The following ST6GAL2 variants were observed in gnomAD, a reference collection of about 807,000 sequenced individuals.
ST6GAL2 encodes ST6 beta-galactoside alpha-2,6-sialyltransferase 2, also known as beta-galactoside alpha-2,6-sialyltransferase 2.
Under a neutral mutation model 37.5 loss-of-function variants are expected in ST6GAL2, and 24 were observed. The observed-to-expected ratio is 0.64, with a 90% CI of 0.46 to 0.90. The LOEUF (loss-of-function observed/expected upper bound fraction) is 0.90. Among genes scored for constraint, ST6GAL2 ranks in the 40% least tolerant of loss-of-function variants. The pLI is 0.00. For synonymous variants in ST6GAL2, 306 were observed against 295.1 expected, an observed-to-expected ratio of 1.04 and a Z score of -0.38; for missense variants, 715 against 712.7, an observed-to-expected ratio of 1.00 and a Z score of -0.04.
chr2:106,819,928 T>C (rs1573216019), intron 5 of ST6GAL2, among the ~76,000 whole-genome samples: 1 of 152,164 alleles, frequency 6.6e-6, no homozygotes, highest in South Asian at 2.1e-4. Context: ...GAAGATATTA[T>C]TTGCCAACCT....
intron 1 of ST6GAL2, among the ~76,000 whole-genome samples, chr2:106,871,209 A>G (rs908617698): frequency 3.3e-5 from 5 of 152,164 alleles, no homozygotes; most frequent in Non-Finnish European, 7.3e-5. Context: ...CAGTAAAAAT[A>G]TGGTATAAAA....
chr2:106,885,410 G>A (rs920108203), intron 1 of ST6GAL2, among the ~76,000 whole-genome samples: 7 of 152,130 alleles, frequency 4.6e-5, no homozygotes, highest in African/African-American at 1.7e-4. Flanking sequence ...TATGGTACTA[G>A]GAGGAGAGAC....
intron 5 of ST6GAL2, among the ~76,000 whole-genome samples, chr2:106,807,631 C>CTT (rs10665727): frequency 0.02 from 2,776 of 138,916 alleles, 127 homozygotes; most frequent in East Asian, 0.08. Context: ...ACATTTTATT[C>CTT]TTTTTTTTTT....
chr2:106,828,995 A>G (rs7603219), intron 5 of ST6GAL2, among the ~76,000 whole-genome samples: 129,035 of 152,150 alleles, frequency 0.85, 54,900 homozygotes, highest in East Asian at 0.94. Context: ...GAAAGATGGC[A>G]TACTCTTCGG....
chr2:106,830,463 G>A (rs530200968), intron 4 of ST6GAL2, among the ~76,000 whole-genome samples: 1 of 152,328 alleles, frequency 6.6e-6, no homozygotes, highest in Non-Finnish European at 1.5e-5. Context: ...TTGTGCTTAA[G>A]TAAAATGAGG....
intron 5 of ST6GAL2, among the ~76,000 whole-genome samples, chr2:106,809,543 G>C (rs1244459505): frequency 6.6e-6 from 1 of 152,202 alleles, no homozygotes; most frequent in Non-Finnish European, 1.5e-5. Context: ...TATGTTAGCT[G>C]TGCAGTTGGT....
chr2:106,876,908 T>C (rs542513995), intron 1 of ST6GAL2, among the ~76,000 whole-genome samples: 1 of 151,998 alleles, frequency 6.6e-6, no homozygotes, highest in South Asian at 2.1e-4. Flanking sequence ...AAGCAGCACA[T>C]TGGTGAGAAA....
chr2:106,829,695 T>C lies in ST6GAL2; in HGVS notation c.1318+371A>G, dbSNP rs988052271. Among the ~76,000 whole-genome samples, 4 of 152,096 alleles carry C rather than the reference T, an allele frequency of 2.6e-5. No individual in the cohort carries two copies. The South Asian group carries it at 6.2e-4, about 24-fold the overall frequency. Reference sequence around the variant, plus strand: ...GTCTGTTACACGAGTGTTTTTTTTTTCCTTAGTTAACCTACCTTCCCTCCA... The same window carrying C: ...GTCTGTTACACGAGTGTTTTTTTTTCCCTTAGTTAACCTACCTTCCCTCCA... On this transcript the variant is annotated intron_variant, in intron 5 of 5. Coordinates refer to ENST00000409382, the MANE Select transcript of ST6GAL2 (RefSeq NM_001142351.2).
At chr2:106,855,187 T>C (rs1677525795) in intron 1 of ST6GAL2, among the ~76,000 whole-genome samples, 1 of 152,228 alleles carries the variant, frequency 6.6e-6, no homozygotes, top group Admixed American at 6.5e-5. Flanking sequence ...AACGAAAGGA[T>C]ACTATAGATT....
chr2:106,849,137 C>T (rs866438641), intron 1 of ST6GAL2, among the ~76,000 whole-genome samples: 4 of 152,130 alleles, frequency 2.6e-5, no homozygotes, highest in Non-Finnish European at 2.9e-5. Flanking sequence ...TCAAGCTTTG[C>T]GCTCAAATAA....
intron 1 of ST6GAL2, among the ~76,000 whole-genome samples, chr2:106,862,325 A>G (rs1677835835): frequency 6.6e-6 from 1 of 152,172 alleles, no homozygotes; most frequent in African/African-American, 2.4e-5. Context: ...GCTATATTAC[A>G]CTGACTTAAC....
intron 2 of ST6GAL2, chr2:106,841,195 A>G (rs1052025733): frequency 6.6e-6 from 1 of 152,190 alleles, no homozygotes; most frequent in Non-Finnish European, 1.5e-5. Context: ...ACTTCTGCTG[A>G]GCTGAGATCT....
chr2:106,852,188 G>A (rs1334860561), intron 1 of ST6GAL2, among the ~76,000 whole-genome samples: 4 of 152,170 alleles, frequency 2.6e-5, no homozygotes, highest in Admixed American at 2.0e-4. Context: ...GAAAAAGGTC[G>A]GCCAGGTCAG....
intron 5 of ST6GAL2, chr2:106,813,050 T>C (rs1332709400): frequency 2.4e-6 from 3 of 1,229,550 alleles, no homozygotes; most frequent in Non-Finnish European, 3.0e-6. Context: ...GCCAATCAAA[T>C]GGGTATGGGG....
At chr2:106,807,631 C>CTTTTTTTTTTTTTTTTTTT (rs10665727) in intron 5 of ST6GAL2, among the ~76,000 whole-genome samples, 1 of 139,050 alleles carries the variant, frequency 7.2e-6, no homozygotes, top group Non-Finnish European at 1.5e-5. Flanking sequence ...ACATTTTATT[C>CTTTTTTTTTTTTTTTTTTT]TTTTTTTTTT....
intron 1 of ST6GAL2, among the ~76,000 whole-genome samples, chr2:106,860,676 A>C (rs1397872575): frequency 6.6e-6 from 1 of 152,176 alleles, no homozygotes; most frequent in East Asian, 1.9e-4. Flanking sequence ...TATGGAAAGA[A>C]GCTTCTATGA....
chr2:106,814,522 G>T (rs1049672994), intron 5 of ST6GAL2, among the ~76,000 whole-genome samples: 4 of 150,876 alleles, frequency 2.7e-5, no homozygotes, highest in African/African-American at 9.7e-5. Context: ...TGGGGGTGTT[G>T]CTGGCTTCTG....
intron 2 of ST6GAL2, among the ~76,000 whole-genome samples, chr2:106,837,788 A>C (rs112124462): frequency 3.9e-5 from 6 of 152,240 alleles, no homozygotes; most frequent in Non-Finnish European, 7.3e-5. Context: ...CCCAGCATTT[A>C]AATGCCCATT....
chr2:106,817,147 A>G (rs1573211973), intron 5 of ST6GAL2, among the ~76,000 whole-genome samples: 1 of 152,242 alleles, frequency 6.6e-6, no homozygotes, highest in South Asian at 2.1e-4. Context: ...CTAGGCCACA[A>G]GGACTTCCAT....
Sources: allele counts gnomAD v4.1 joint callset (sites outside exome capture counted in the v4.1 genomes callset), GRCh38; gene constraint gnomAD v4.1.1; transcripts MANE v1.5; gene names NCBI Gene and HGNC (gene_info 2026-07-23, HGNC 2026-07-21).